The following COL28A1 variants were observed in gnomAD, a reference collection of about 807,000 sequenced individuals.
COL28A1 encodes the protein collagen type XXVIII alpha 1 chain, also known as collagen alpha-1(XXVIII) chain.
In COL28A1, 161 loss-of-function variants were observed where a neutral mutation model predicts 150.2. That is an observed-to-expected ratio of 1.07 (90% CI 0.94 to 1.22). COL28A1 has a LOEUF of 1.22. Among genes scored for constraint, COL28A1 ranks in the 50% most tolerant of loss-of-function variants. The pLI is 0.00. For missense variants in COL28A1, 1,617 were observed against 1,388.3 expected, an observed-to-expected ratio of 1.16 and a Z score of -2.62; for synonymous variants, 552 against 469.7, an observed-to-expected ratio of 1.18 and a Z score of -2.26.
intron 18 of COL28A1, among the ~76,000 whole-genome samples, chr7:7,446,993 A>T (rs2128325498): frequency 6.6e-6 from 1 of 152,328 alleles, no homozygotes; most frequent in Middle Eastern, 3.4e-3. Flanking sequence ...AACTTAAAGG[A>T]TTAGAGAGAA....
upstream of COL28A1, among the ~76,000 whole-genome samples, chr7:7,536,249 T>C (rs2115279815): frequency 6.6e-6 from 1 of 152,320 alleles, no homozygotes; most frequent in East Asian, 1.9e-4. Flanking sequence ...TTGATTGTTA[T>C]TAAAGCTGGA....
At chr7:7,479,767 C>T (rs879846502) in intron 13 of COL28A1, among the ~76,000 whole-genome samples, 6 of 152,148 alleles carry the variant, frequency 3.9e-5, no homozygotes, top group Non-Finnish European at 5.9e-5. Context: ...AACACAGTCT[C>T]GGGCTTTGAA....
At chr7:7,426,817 G>A (rs957808397) in intron 25 of COL28A1, among the ~76,000 whole-genome samples, 2 of 152,152 alleles carry the variant, frequency 1.3e-5, no homozygotes, top group Non-Finnish European at 2.9e-5. Flanking sequence ...CTTTTGCCAA[G>A]AACTTCACTG....
chr7:7,346,637 T>C, the COL28A1 span, among the ~76,000 whole-genome samples: 1 of 152,100 alleles, frequency 6.6e-6, no homozygotes. Flanking sequence ...AATCAAATGA[T>C]ACCATTGAAT....
At chr7:7,443,771 A>G (rs532668278) in intron 19 of COL28A1, 118 bp from the exon 20 acceptor site, 1 of 1,377,432 alleles carries the variant, frequency 7.3e-7, no homozygotes. Context: ...AAAACACACC[A>G]TACCTTCACT....
At chr7:7,392,350 G>C (rs1296766841) in intron 27 of COL28A1, among the ~76,000 whole-genome samples, 1 of 152,240 alleles carries the variant, frequency 6.6e-6, no homozygotes, top group Non-Finnish European at 1.5e-5. Context: ...TCTGCTGTTA[G>C]TCTGATGTGC....
At chr7:7,488,078 A>C (rs544544694) in intron 13 of COL28A1, among the ~76,000 whole-genome samples, 1 of 152,172 alleles carries the variant, frequency 6.6e-6, no homozygotes, top group East Asian at 1.9e-4. Flanking sequence ...AAGAACTCTC[A>C]TGTCAACCCG....
the COL28A1 span, among the ~76,000 whole-genome samples, chr7:7,345,580 T>A: frequency 2.2e-4 from 34 of 152,268 alleles, no homozygotes; most frequent in African/African-American, 6.5e-4. Context: ...TGTCTTTTTT[T>A]AAAATCTTCA....
rs1319185978 is a variant in COL28A1, at chr7:7,507,139, G to T, written c.950C>A (p.Pro317Gln). Residue 317 changes from proline to glutamine, a missense_variant, in exon 10 of 35, where the codon CCA becomes CAA. Pro to Gln is a moderately conservative substitution (Grantham distance 76). Transcript: ENST00000399429. ...GDKGSPGPYG[P>Q]KGPRGIQGIT... ...TACCTGAATTCCTCTGGGTCCCTTT[G>T]GTCCATATGGCCCTGGGGATCCCTG... is the stretch of plus-strand genomic sequence containing the variant. 21 of 1,282,876 alleles carry T rather than the reference G, an allele frequency of 1.6e-5. No homozygotes were observed. The highest frequency in any genetic ancestry group is 2.3e-5 in the Non-Finnish European group (20 of 880,116). The allele number at this position is 1,282,876 out of a possible 1,614,324, so 79.5% of individuals were successfully genotyped here.
chr7:7,521,388 G>A (rs1038553984), intron 5 of COL28A1, among the ~76,000 whole-genome samples: 1 of 152,026 alleles, frequency 6.6e-6, no homozygotes, highest in African/African-American at 2.4e-5. Flanking sequence ...TTTATTTTTG[G>A]TTGCCATGTG....
At chr7:7,379,332 C>T (rs1407962614) in intron 30 of COL28A1, among the ~76,000 whole-genome samples, 1 of 152,170 alleles carries the variant, frequency 6.6e-6, no homozygotes, top group Non-Finnish European at 1.5e-5. Flanking sequence ...CTTCCAGAAT[C>T]TAGAAAACCA....
intron 21 of COL28A1, among the ~76,000 whole-genome samples, chr7:7,439,977 C>A (rs1353205152): frequency 6.6e-6 from 1 of 152,180 alleles, no homozygotes; most frequent in African/African-American, 2.4e-5. Context: ...ATCATCTGGT[C>A]CTAAAATATA....
At chr7:7,390,830 C>G (rs1034473194) in intron 27 of COL28A1, among the ~76,000 whole-genome samples, 2 of 152,048 alleles carry the variant, frequency 1.3e-5, no homozygotes, top group African/African-American at 4.8e-5. Flanking sequence ...GTGGGATCAG[C>G]AGTGATATCC....
intron 25 of COL28A1, among the ~76,000 whole-genome samples, chr7:7,421,941 A>G (rs1400794160): frequency 6.6e-6 from 1 of 152,078 alleles, no homozygotes; most frequent in African/African-American, 2.4e-5. Flanking sequence ...CTGCCAGCTG[A>G]AAGGATCACT....
chr7:7,406,346 T>G (rs1783490950), intron 27 of COL28A1, among the ~76,000 whole-genome samples: 1 of 152,158 alleles, frequency 6.6e-6, no homozygotes, highest in African/African-American at 2.4e-5. Flanking sequence ...CTCCATACAT[T>G]CATTCAAGTG....
At chr7:7,361,268 T>C (rs567389544) in intron 33 of COL28A1, among the ~76,000 whole-genome samples, 2 of 74,698 alleles carry the variant, frequency 2.7e-5, no homozygotes, top group South Asian at 1.1e-3. Context: ...AAATTTATGA[T>C]ATATAACGAA....
chr7:7,516,508 C>A (rs994259617), intron 7 of COL28A1, among the ~76,000 whole-genome samples: 6 of 152,126 alleles, frequency 3.9e-5, no homozygotes, highest in African/African-American at 1.4e-4. Flanking sequence ...CTGCCCATGG[C>A]CCTTTAAGAA....
At position 7,532,775 on chromosome 7, in the gene COL28A1, A is replaced by G. The variant is rs199710361; in HGVS notation, c.101T>C (p.Leu34Pro). Residue 34 changes from leucine to proline, a missense_variant, in exon 2 of 35, where the codon CTT becomes CCT. Coordinates refer to ENST00000399429, the MANE Select transcript of COL28A1 (RefSeq NM_001037763.3). ...ACCCTGGACATCACTTTTCCTTGCA[A>G]GCAAATTTGATTTTGGTCCTTTCTT... ...QRKKGPKSNL[L>P]ARKSDVQGSI... 8.8e-5 allele frequency: 142 copies of G among 1,610,794 alleles called. No individual in the cohort carries two copies. Among genetic ancestry groups the G allele is most frequent in the Admixed American group, 1.8e-4 (11 of 59,636 alleles).
rs17521779 is a variant in COL28A1, at chr7:7,521,622, T to C, written c.759+283A>G. Among the ~76,000 whole-genome samples, 553 of 152,322 alleles carry C rather than the reference T, an allele frequency of 3.6e-3. 3 individuals carry two copies. Among genetic ancestry groups the C allele is most frequent in the Non-Finnish European group, 6.1e-3 (414 of 68,020 alleles). On this transcript the variant is annotated intron_variant, in intron 5 of 34. Coordinates refer to ENST00000399429, the MANE Select transcript of COL28A1 (RefSeq NM_001037763.3). ...CTGTATTCACTTCACTATTGAGAAA[T>C]TCTGGCTTCAATTATTTTATGAGGA...
Sources: gnomAD v4.1 joint callset for allele counts (sites outside exome capture counted in the v4.1 genomes callset) on GRCh38, gnomAD v4.1.1 for gene constraint, MANE v1.5 for transcripts, NCBI Gene and HGNC (gene_info 2026-07-23, HGNC 2026-07-21) for gene names.